LUC7L2: variants seen among roughly 807,000 people sequenced by gnomAD.
LUC7L2 encodes putative RNA-binding protein Luc7-like 2.
A neutral mutation model predicts 52.8 loss-of-function variants in LUC7L2; 25 were observed. The ratio of observed to expected loss-of-function variants is 0.47; its 90% CI spans 0.34 to 0.66. LUC7L2 has a LOEUF of 0.66. Ranked by LOEUF, LUC7L2 falls within the 30% of genes least tolerant of loss-of-function variation. The pLI is 0.01. For missense variants in LUC7L2, 328 were observed against 497.8 expected (o/e 0.66, Z 3.25); for synonymous variants, 144 against 160.9 (o/e 0.89, Z 0.80).
At chr7:139,354,928 C>T (rs1799565546), upstream of LUC7L2, among the ~76,000 whole-genome samples, 1 of 151,320 alleles carries the variant, frequency 6.6e-6, no homozygotes, top group Non-Finnish European at 1.5e-5. Context: ...AAGGTCATGG[C>T]TGATTGCAGT....
At chr7:139,354,610 C>T (rs1359513374) in intron 1 of LUC7L2, among the ~76,000 whole-genome samples, 2 of 152,194 alleles carry the variant, frequency 1.3e-5, no homozygotes, top group African/African-American at 4.8e-5. Flanking sequence ...TATCCACTGG[C>T]CTTGGCCTCC....
At chr7:139,403,945 T>A (rs920629204) in intron 4 of LUC7L2, among the ~76,000 whole-genome samples, 15 of 152,166 alleles carry the variant, frequency 9.9e-5, no homozygotes, top group African/African-American at 3.6e-4. Context: ...CCAAAGCAAG[T>A]TCATGGCCAA....
At chr7:139,371,906 A>G (rs947381092) in intron 1 of LUC7L2, among the ~76,000 whole-genome samples, 15 of 152,196 alleles carry the variant, frequency 9.9e-5, no homozygotes, top group Non-Finnish European at 2.2e-4. Context: ...TTTTTATTGT[A>G]TACTTGTGAC....
At chr7:139,396,325 A>G (rs1283128210) in intron 2 of LUC7L2, among the ~76,000 whole-genome samples, 1 of 151,782 alleles carries the variant, frequency 6.6e-6, no homozygotes, top group Admixed American at 6.6e-5. Flanking sequence ...GGTCCCAGCT[A>G]CTTGTCGGGG....
chr7:139,422,112 G>A, intron 9 of LUC7L2, 51 bp from the exon 10 acceptor site: 2 of 1,550,236 alleles, frequency 1.3e-6, no homozygotes, highest in Non-Finnish European at 1.7e-6. Context: ...TCTTTAATTT[G>A]GGTTTTTGGG....
At chr7:139,399,987 G>C (rs530165053) in intron 3 of LUC7L2, among the ~76,000 whole-genome samples, 64 of 152,156 alleles carry the variant, frequency 4.2e-4, no homozygotes, top group African/African-American at 1.5e-3. Flanking sequence ...TGAAATAATA[G>C]ATGTTTTAAA....
chr7:139,366,769 C>G (rs1372735157), intron 1 of LUC7L2, among the ~76,000 whole-genome samples: 2 of 152,150 alleles, frequency 1.3e-5, no homozygotes, highest in African/African-American at 4.8e-5. Flanking sequence ...AGCAGCAATT[C>G]AGCATCACCT....
At chr7:139,340,910 C>G (rs1034180909) in intron 1 of LUC7L2, among the ~76,000 whole-genome samples, 13 of 152,062 alleles carry the variant, frequency 8.5e-5, no homozygotes, top group African/African-American at 3.1e-4. Context: ...CTGCACACAC[C>G]CATGTCCTTT....
At chr7:139,413,827 A>G (rs1795475635) in intron 8 of LUC7L2, among the ~76,000 whole-genome samples, 1 of 152,148 alleles carries the variant, frequency 6.6e-6, no homozygotes, top group African/African-American at 2.4e-5. Context: ...TCTATCAATG[A>G]TATTTCTGCC....
chr7:139,396,972 C>T (rs1794689082), intron 2 of LUC7L2, among the ~76,000 whole-genome samples: 1 of 152,072 alleles, frequency 6.6e-6, no homozygotes, highest in Non-Finnish European at 1.5e-5. Flanking sequence ...TGATCTCGTG[C>T]ATTAGCTATC....
Position 139,412,547 on chromosome 7 carries a change from T to G in LUC7L2, c.780-4T>G. ...TTCTAAAAATACATATTTTTTTTTT[T>G]TAGGTCCCGATCACACAGCAAGAAT... is the stretch of plus-strand genomic sequence containing the variant. On this transcript the variant is annotated splice_polypyrimidine_tract_variant and splice_region_variant and intron_variant, in intron 7 of 9. Coordinates refer to ENST00000354926, the MANE Select transcript of LUC7L2 (RefSeq NM_016019.5). 3 of 1,603,386 alleles carry G rather than the reference T, an allele frequency of 1.9e-6. No homozygotes were observed. Among genetic ancestry groups the G allele is most frequent in the Admixed American group, 1.7e-5 (1 of 57,750 alleles).
At chr7:139,390,625 G>A (rs1488801750) in intron 2 of LUC7L2, among the ~76,000 whole-genome samples, 1 of 148,188 alleles carries the variant, frequency 6.7e-6, no homozygotes, top group Non-Finnish European at 1.5e-5. Context: ...GCACGATCTC[G>A]GCTCACTGCA....
chr7:139,353,791 CA>C (rs1050636857), intron 1 of LUC7L2, among the ~76,000 whole-genome samples: 4 of 148,168 alleles, frequency 2.7e-5, no homozygotes, highest in African/African-American at 1.0e-4. Flanking sequence ...GACTCCATCT[CA>C]AAAAAACCCA....
chr7:139,351,895 T>TA (rs1376378135), intron 1 of LUC7L2, among the ~76,000 whole-genome samples: 1 of 152,234 alleles, frequency 6.6e-6, no homozygotes, highest in Non-Finnish European at 1.5e-5. Context: ...TAGCTACCCT[T>TA]ACCTTTTCAC....
At chr7:139,343,738 C>A (rs1352376488) in intron 1 of LUC7L2, among the ~76,000 whole-genome samples, 2 of 152,002 alleles carry the variant, frequency 1.3e-5, no homozygotes, top group Non-Finnish European at 2.9e-5. Flanking sequence ...AGTTCACGAC[C>A]AGCCTGGGCA....
chr7:139,358,828 C>T (rs552446271), upstream of LUC7L2, among the ~76,000 whole-genome samples: 41 of 152,088 alleles, frequency 2.7e-4, no homozygotes, highest in Middle Eastern at 6.8e-3. Flanking sequence ...GGGGAGGCGC[C>T]CGCCATCACG....
At chr7:139,381,521 C>T (rs1267229906) in intron 2 of LUC7L2, among the ~76,000 whole-genome samples, 1 of 150,174 alleles carries the variant, frequency 6.7e-6, no homozygotes, top group Non-Finnish European at 1.5e-5. Context: ...GCAAGTCTCC[C>T]GCCTCAGCCT....
At chr7:139,384,098 C>G (rs1392788016) in intron 2 of LUC7L2, among the ~76,000 whole-genome samples, 1 of 152,008 alleles carries the variant, frequency 6.6e-6, no homozygotes, top group Admixed American at 6.6e-5. Context: ...GTTACCTGTG[C>G]AAGTATGAAA....
At chr7:139,373,948 T>C (rs1800582685) in intron 1 of LUC7L2, among the ~76,000 whole-genome samples, 2 of 152,204 alleles carry the variant, frequency 1.3e-5, no homozygotes, top group East Asian at 1.9e-4. Flanking sequence ...TAAAATTTTA[T>C]CATTTTAAAA....
Sources: allele counts gnomAD v4.1 joint callset (sites outside exome capture counted in the v4.1 genomes callset), GRCh38; gene constraint gnomAD v4.1.1; transcripts MANE v1.5; gene names NCBI Gene and HGNC (gene_info 2026-07-23, HGNC 2026-07-21).